Variants in ACTR3 observed in about 807,000 individuals in gnomAD.
ACTR3 encodes actin-related protein 3.
A neutral mutation model predicts 56.8 loss-of-function variants in ACTR3; 12 were observed. The observed-to-expected ratio is 0.21, with a 90% CI of 0.14 to 0.34. The LOEUF (loss-of-function observed/expected upper bound fraction) is 0.34. Ranked by LOEUF, ACTR3 falls within the 10% of genes least tolerant of loss-of-function variation. The pLI is 1.00. For synonymous variants in ACTR3, 162 were observed against 167.4 expected, an observed-to-expected ratio of 0.97 and a Z score of 0.25; for missense variants, 282 against 512.5, an observed-to-expected ratio of 0.55 and a Z score of 4.34.
At chr2:113,927,254 C>T (rs1679638910) in intron 3 of ACTR3, 91 bp from the exon 4 acceptor site, 1 of 738,306 alleles carries the variant, frequency 1.4e-6, no homozygotes, top group Non-Finnish European at 2.1e-6. Context: ...CATCTAATAT[C>T]CACTAATGAT....
Position 113,913,172 on chromosome 2 carries a change from G to T in ACTR3, c.45G>T (p.Gly15=). 4 of 1,566,182 alleles carry T rather than the reference G, an allele frequency of 2.6e-6. No individual in the cohort carries two copies. Among genetic ancestry groups the T allele is most frequent in the South Asian group, 2.4e-5 (2 of 84,896 alleles). Residue 15 remains glycine (G), a splice_region_variant and synonymous_variant, in exon 2 of 12, where the codon GGG becomes GGT. Transcript: ENST00000263238. The part of the protein sequence containing the change: ...LPACVVDCGT[G]YTKLGYAGNT... The stretch of plus-strand genomic sequence containing the variant: ...CTTTATAAATTATTTTGTTTTGCAG[G>T]TATACAAAACTAGGATATGCTGGAA...
chr2:113,955,455 C>G, intron 10 of ACTR3, 168 bp from the exon 11 acceptor site: 1 of 543,962 alleles, frequency 1.8e-6, no homozygotes, highest in Middle Eastern at 3.7e-4. Context: ...CCACAGTGTT[C>G]CCAACCCCTT....
chr2:113,958,940 T>G lies in ACTR3; in HGVS notation c.*1485T>G, dbSNP rs1680273021. The G allele has an allele frequency of 6.6e-6, 1 of 152,040 alleles. No individual in the cohort carries two copies. The highest frequency in any genetic ancestry group is 2.4e-5 in the African/African-American group (1 of 41,442). The allele number at this position is 152,040 out of a possible 1,614,324, so 9.4% of individuals were successfully genotyped here. ...AGTAAACTTCAGTTTTTGTTTAGAG[T>G]GGATCTGAATATTTAAAATCCTATA... On this transcript the variant is annotated 3_prime_UTR_variant, in exon 12 of 12. Coordinates refer to ENST00000263238, the MANE Select transcript of ACTR3 (RefSeq NM_005721.5).
intron 4 of ACTR3, among the ~76,000 whole-genome samples, chr2:113,929,102 C>T (rs1292898181): frequency 6.6e-6 from 1 of 151,468 alleles, no homozygotes; most frequent in African/African-American, 2.4e-5. Context: ...TATCCATTTT[C>T]CTGTTGATGA....
Position 113,894,135 on chromosome 2 carries a change from G to A in ACTR3, c.44+3812G>A, listed in dbSNP as rs567484579. Among the ~76,000 whole-genome samples, 9 of 151,898 alleles carry A rather than the reference G, an allele frequency of 5.9e-5. No individual in the cohort carries two copies. The East Asian group carries it at 1.5e-3, about 26-fold the overall frequency. ...ATGGAGTTTTGCTCTCATCGCCCAG[G>A]CTGGAGTGCAGTGGCATGATCTTGG... On this transcript the variant is annotated intron_variant, in intron 1 of 11. Transcript: ENST00000263238.
At chr2:113,911,293 C>T (rs36051494) in intron 1 of ACTR3, among the ~76,000 whole-genome samples, 2 of 144,230 alleles carry the variant, frequency 1.4e-5, no homozygotes, top group Non-Finnish European at 3.0e-5. Flanking sequence ...TTTTGTTTTT[C>T]GTTTTTTTTT....
chr2:113,929,124 ATTTTTGTTTTTTTTTTG>A (rs1168989935), intron 4 of ACTR3, among the ~76,000 whole-genome samples: 2 of 138,348 alleles, frequency 1.4e-5, no homozygotes, highest in Non-Finnish European at 3.1e-5. Flanking sequence ...TACCTGGGCT[ATTTTTGTTTTTTTTTTG>A]TTTTTGTTTT....
intron 5 of ACTR3, among the ~76,000 whole-genome samples, chr2:113,933,201 CAT>C (rs891593013): frequency 1.3e-4 from 20 of 152,196 alleles, no homozygotes; most frequent in Admixed American, 5.9e-4. Context: ...GTCCTAAACA[CAT>C]GTTACCTTAA....
In ACTR3 at chr2:113,958,194, T is replaced by C. The variant is rs551116962; in HGVS notation, c.*739T>C. 4.6e-5 allele frequency: 7 copies of C among 152,692 alleles called. No individual in the cohort carries two copies. In the South Asian group the frequency reaches 1.2e-3, roughly 27 times the overall value. The allele number at this position is 152,692 out of a possible 1,614,324, so 9.5% of individuals were successfully genotyped here. A position where few individuals can be genotyped will look rare whatever the true frequency, so the allele number is the denominator to read the frequency against. ...CTTATAAAAAACAAAACAACAACAA[T>C]AATTTATCAAAATTGGCATATTTAA... On this transcript the variant is annotated 3_prime_UTR_variant, in exon 12 of 12. Transcript: ENST00000263238.
chr2:113,948,331 G>T (rs543453822), intron 8 of ACTR3, among the ~76,000 whole-genome samples: 1 of 151,906 alleles, frequency 6.6e-6, no homozygotes, highest in African/African-American at 2.4e-5. Context: ...TGTATTTTTC[G>T]TAGAAACAGG....
intron 4 of ACTR3, among the ~76,000 whole-genome samples, chr2:113,929,913 A>C (rs1232518952): frequency 6.6e-6 from 1 of 152,122 alleles, no homozygotes. Flanking sequence ...TTCTAGTCTC[A>C]AGTAATCTGC....
chr2:113,956,801 T>A (rs1272480353), intron 11 of ACTR3, among the ~76,000 whole-genome samples: 1 of 152,186 alleles, frequency 6.6e-6, no homozygotes, highest in Non-Finnish European at 1.5e-5. Context: ...GAAAGTTATT[T>A]TTTTCCTCAA....
intron 1 of ACTR3, among the ~76,000 whole-genome samples, chr2:113,891,872 T>C (rs1174298398): frequency 6.6e-6 from 1 of 152,190 alleles, no homozygotes; most frequent in Non-Finnish European, 1.5e-5. Context: ...TTCAGTCTCA[T>C]TTCTCTGAAC....
intron 8 of ACTR3, among the ~76,000 whole-genome samples, chr2:113,950,598 T>C (rs1456845645): frequency 6.6e-6 from 1 of 152,238 alleles, no homozygotes; most frequent in Non-Finnish European, 1.5e-5. Context: ...GAGATTAGAC[T>C]ACATTTATTT....
At chr2:113,929,405 T>C (rs1046701197) in intron 4 of ACTR3, among the ~76,000 whole-genome samples, 2 of 152,100 alleles carry the variant, frequency 1.3e-5, no homozygotes, top group Non-Finnish European at 2.9e-5. Context: ...CCTCTCAAAG[T>C]GCTGCCACCA....
chr2:113,931,942 C>T (rs1369320004), intron 5 of ACTR3, among the ~76,000 whole-genome samples: 1 of 148,726 alleles, frequency 6.7e-6, no homozygotes, highest in Non-Finnish European at 1.5e-5. Flanking sequence ...AACACAAATG[C>T]TTTATATGTG....
chr2:113,940,433 C>T (rs1679903397), intron 7 of ACTR3, among the ~76,000 whole-genome samples: 1 of 152,006 alleles, frequency 6.6e-6, no homozygotes, highest in Non-Finnish European at 1.5e-5. Context: ...TCAGTTTCTT[C>T]ACTGAATTCT....
chr2:113,945,198 C>CAT (rs1002032124), intron 8 of ACTR3, among the ~76,000 whole-genome samples: 1 of 152,126 alleles, frequency 6.6e-6, no homozygotes, highest in Non-Finnish European at 1.5e-5. Flanking sequence ...TTTATCAAAA[C>CAT]ATAAAGATTA....
intron 1 of ACTR3, among the ~76,000 whole-genome samples, chr2:113,906,751 A>G (rs566830547): frequency 6.6e-6 from 1 of 152,230 alleles, no homozygotes; most frequent in South Asian, 2.1e-4. Flanking sequence ...TAGTTATGGC[A>G]TCCTTGTTAA....
Sources: allele counts gnomAD v4.1 joint callset (sites outside exome capture counted in the v4.1 genomes callset), GRCh38; gene constraint gnomAD v4.1.1; transcripts MANE v1.5; gene names NCBI Gene and HGNC (gene_info 2026-07-23, HGNC 2026-07-21).